PSAP: variants seen among roughly 807,000 people sequenced by gnomAD.
The protein encoded by PSAP is prosaposin, also known as precursor of saposins.
Under a neutral mutation model 66.0 loss-of-function variants are expected in PSAP, and 25 were observed. The ratio of observed to expected loss-of-function variants is 0.38; its 90% confidence interval spans 0.28 to 0.53. The LOEUF (loss-of-function observed/expected upper bound fraction) is 0.53, where lower values mean the gene tolerates loss of function less well. Ranked by LOEUF, PSAP falls within the 20% of genes least tolerant of loss-of-function variation. PSAP has a pLI of 0.83. For missense variants in PSAP, 649 were observed against 668.8 expected, an observed-to-expected ratio of 0.97 and a Z score of 0.33; for synonymous variants, 273 against 258.9, an observed-to-expected ratio of 1.05 and a Z score of -0.52.
intron 4 of PSAP, among the ~76,000 whole-genome samples, chr10:71,829,406 CGGG>C (rs1564820057): frequency 6.6e-6 from 1 of 152,076 alleles, no homozygotes; most frequent in African/African-American, 2.4e-5. Flanking sequence ...AACTGAATCA[CGGG>C]GGCGGGTTTT....
intron 1 of PSAP, among the ~76,000 whole-genome samples, chr10:71,847,508 A>C (rs1273171907): frequency 1.3e-5 from 2 of 152,058 alleles, no homozygotes; most frequent in African/African-American, 2.4e-5. Context: ...AGATCGCGCC[A>C]CTGCACACCA....
intron 6 of PSAP, among the ~76,000 whole-genome samples, chr10:71,827,794 C>A (rs1842424272): frequency 6.6e-6 from 1 of 151,974 alleles, no homozygotes; most frequent in South Asian, 2.1e-4. Context: ...GGGTGCCTGG[C>A]AGGAAACAAA....
intron 1 of PSAP, among the ~76,000 whole-genome samples, chr10:71,837,593 T>C (rs1017115946): frequency 1.3e-4 from 20 of 152,248 alleles, no homozygotes; most frequent in African/African-American, 4.8e-4. Flanking sequence ...CTCCACTGAC[T>C]GCGCAGAGCC....
rs1842577853 is a variant in PSAP at position 71,834,259 on chromosome 10, T to C, written c.174+113A>G. 3.9e-6 allele frequency: 6 copies of C among 1,541,736 alleles called. No individual in the cohort carries two copies. In the South Asian group the frequency reaches 5.7e-5, roughly 15 times the overall value. On this transcript the variant is annotated intron_variant, in intron 2 of 13. Transcript: ENST00000394936. Reference sequence around the variant, plus strand: ...TCCCACACAGAGTCACAGTGAGAAGTAAACAAAACAAGGCAAGAAAAAGTG... The same window carrying C: ...TCCCACACAGAGTCACAGTGAGAAGCAAACAAAACAAGGCAAGAAAAAGTG...
rs143773764 is a variant in PSAP at position 71,818,661 on chromosome 10, G to A, written c.1495C>T (p.Pro499Ser). 2.8e-5 allele frequency: 45 copies of A among 1,613,964 alleles called. No individual in the cohort carries two copies. The highest frequency in any genetic ancestry group is 3.6e-5 in the Non-Finnish European group (42 of 1,180,052). ...LLGTEKCIWGPSYWCQNTETA... is the reference protein window; with the variant it reads ...LLGTEKCIWGSSYWCQNTETA... ...TCTGTGTTCTGGCACCAGTAGCTTG[G>A]GCCCCATATACACTTCTCAGTTCCC... is the stretch of plus-strand genomic sequence containing the variant. The change falls in exon 13 of 14, where the codon CCA (proline) becomes TCA (serine). Residue 499 changes from proline (P) to serine (S), a missense_variant. By Grantham distance (74) the Pro-to-Ser change is moderately conservative. Transcript: ENST00000394936.
At chr10:71,818,845 C>T (rs981210216) in intron 12 of PSAP, 121 bp from the exon 13 acceptor site, 8 of 1,058,508 alleles carry the variant, frequency 7.6e-6, no homozygotes, top group South Asian at 1.3e-5. Flanking sequence ...CACGCTCTTT[C>T]AGAACATCAG....
At chr10:71,818,568 C>T (rs1393145920) in intron 13 of PSAP, 49 bp downstream of exon 13, 1 of 1,503,994 alleles carries the variant, frequency 6.6e-7, no homozygotes. Flanking sequence ...CTCACACAGG[C>T]TACCCCAGGG....
intron 12 of PSAP, 41 bp from the exon 13 acceptor site, chr10:71,818,765 G>C (rs538659296): frequency 1.3e-6 from 2 of 1,501,164 alleles, no homozygotes; most frequent in Admixed American, 1.7e-5. Context: ...GGGAGAATGA[G>C]AGCTGCCCGA....
At chr10:71,828,311 A>ATTAAGTGTT (rs1331292079) in intron 5 of PSAP, among the ~76,000 whole-genome samples, 154 bp from the exon 6 acceptor site, 1 of 152,170 alleles carries the variant, frequency 6.6e-6, no homozygotes. Context: ...CTTAAAATCG[A>ATTAAGTGTT]TTAAGTGTTC....
intron 1 of PSAP, among the ~76,000 whole-genome samples, chr10:71,840,110 T>C (rs1350868093): frequency 6.6e-6 from 1 of 152,224 alleles, no homozygotes; most frequent in Non-Finnish European, 1.5e-5. Context: ...CTCATTATTT[T>C]AGCCATACAA....
intron 1 of PSAP, among the ~76,000 whole-genome samples, chr10:71,845,209 A>G (rs1238907275): frequency 6.6e-6 from 1 of 152,328 alleles, no homozygotes; most frequent in East Asian, 1.9e-4. Context: ...ATTGGATACA[A>G]TATTTGCAAA....
rs200083025 is a variant in PSAP at position 71,850,397 on chromosome 10, G to GA, written c.40+784dup. ...GATAAACTCAACCAATTATCAACTA[G>GA]AAAATGTTTAAATTTACCTATGGCC... On this transcript the variant is annotated intron_variant, in intron 1 of 13. Coordinates refer to ENST00000394936, the MANE Select transcript of PSAP (RefSeq NM_002778.4). 8.4e-3 allele frequency among the ~76,000 whole-genome samples: 1,276 copies of GA among 152,276 alleles called. 20 individuals carry two copies. The highest frequency in any genetic ancestry group is 0.03 in the African/African-American group (1,227 of 41,538).
intron 7 of PSAP, among the ~76,000 whole-genome samples, chr10:71,823,532 C>T (rs1212066860): frequency 1.3e-5 from 2 of 152,234 alleles, no homozygotes; most frequent in South Asian, 4.1e-4. Context: ...GACTTCCTAA[C>T]TGGCCTACGT....
At chr10:71,820,097 A>C (rs1247530766) in intron 9 of PSAP, 143 bp downstream of exon 9, 2 of 913,492 alleles carry the variant, frequency 2.2e-6, no homozygotes, top group African/African-American at 3.3e-5. Flanking sequence ...CCCACTGGTG[A>C]GGATTGCCTT....
intron 7 of PSAP, among the ~76,000 whole-genome samples, chr10:71,822,947 T>A (rs899424151): frequency 6.6e-5 from 9 of 136,574 alleles, no homozygotes; most frequent in African/African-American, 2.3e-4. Context: ...ACCTTAAGAA[T>A]GAAAAATAAA....
At chr10:71,851,045 A>G in intron 1 of PSAP, 137 bp downstream of exon 1, 5 of 1,021,208 alleles carry the variant, frequency 4.9e-6, no homozygotes, top group South Asian at 2.8e-5. Flanking sequence ...AAGCCAGCGA[A>G]CGCGCCTGCG....
At chr10:71,836,838 T>C (rs184811299) in intron 1 of PSAP, among the ~76,000 whole-genome samples, 23 of 152,352 alleles carry the variant, frequency 1.5e-4, no homozygotes, top group Admixed American at 1.1e-3. Flanking sequence ...TGAGAATACT[T>C]TGTAGGCTGC....
rs74656122 is a variant in PSAP at position 71,848,059 on chromosome 10, C to T, written c.40+3123G>A. On this transcript the variant is annotated intron_variant, in intron 1 of 13. Coordinates refer to ENST00000394936, the MANE Select transcript of PSAP (RefSeq NM_002778.4). The stretch of plus-strand genomic sequence containing the variant: ...ATGCCTTACACCTAGCTGATGAACA[C>T]GCTCCTTTTTCCACCAGAGGACTCA... Among the ~76,000 whole-genome samples the T allele has an allele frequency of 8.9e-4, 135 of 152,324 alleles. 2 individuals are homozygous for T. Among genetic ancestry groups the T allele is most frequent in the African/African-American group, 3.0e-3 (125 of 41,556 alleles).
intron 2 of PSAP, 87 bp from the exon 3 acceptor site, chr10:71,832,007 TTCTC>T: frequency 7.7e-7 from 1 of 1,291,378 alleles, no homozygotes; most frequent in Non-Finnish European, 1.1e-6. Context: ...CTTTTCGCTA[TTCTC>T]TCTAACCAGG....
Sources: gnomAD v4.1 joint callset for allele counts (sites outside exome capture counted in the v4.1 genomes callset) on GRCh38, gnomAD v4.1.1 for gene constraint, MANE v1.5 for transcripts, NCBI Gene and HGNC (gene_info 2026-07-23, HGNC 2026-07-21) for gene names.